CNTNAP2: variants seen among roughly 807,000 people sequenced by gnomAD.
CNTNAP2 encodes the protein contactin-associated protein-like 2.
In CNTNAP2, 98 loss-of-function variants were observed where a neutral mutation model predicts 155.2. The observed-to-expected ratio is 0.63, with a 90% CI of 0.54 to 0.75. CNTNAP2 has a LOEUF of 0.75. Among genes scored for constraint, CNTNAP2 ranks in the 30% least tolerant of loss-of-function variants. The pLI, the probability that CNTNAP2 is intolerant of heterozygous loss-of-function variation, is 0.00. For synonymous variants in CNTNAP2, 651 were observed against 631.2 expected, an observed-to-expected ratio of 1.03 and a Z score of -0.47; for missense variants, 1,727 against 1,688.1, an observed-to-expected ratio of 1.02 and a Z score of -0.40.
intron 21 of CNTNAP2, among the ~76,000 whole-genome samples, chr7:148,310,620 T>G (rs1426817083): frequency 2.0e-5 from 3 of 152,150 alleles, no homozygotes; most frequent in Non-Finnish European, 4.4e-5. Flanking sequence ...CGGTCCTATT[T>G]GCAAATTGAA....
Position 146,122,898 on chromosome 7 carries a change from G to A in CNTNAP2, c.97+5925G>A, listed in dbSNP as rs1369242546. Among the ~76,000 whole-genome samples, 3 of 152,260 alleles carry A rather than the reference G, an allele frequency of 2.0e-5. No homozygotes were observed. In the South Asian group the frequency reaches 6.2e-4, roughly 32 times the overall value. The stretch of plus-strand genomic sequence containing the variant: ...TTCTGTAAAATCCTGAAGGTTAAAT[G>A]TTTTAAGCCAATTATTCTTTCCAAC... On this transcript the variant is annotated intron_variant, in intron 1 of 23. Coordinates refer to ENST00000361727, the MANE Select transcript of CNTNAP2 (RefSeq NM_014141.6).
chr7:146,964,014 G>T (rs890806184), intron 3 of CNTNAP2, among the ~76,000 whole-genome samples: 1 of 152,150 alleles, frequency 6.6e-6, no homozygotes, highest in South Asian at 2.1e-4. Flanking sequence ...AGAGGGTTCT[G>T]AACAACAAGC....
chr7:147,179,226 G>T lies in CNTNAP2; in HGVS notation c.1348+46717G>T, dbSNP rs569794691. Among the ~76,000 whole-genome samples the T allele has an allele frequency of 2.5e-4, 38 of 152,226 alleles. No homozygotes were observed. In the South Asian group the frequency reaches 6.2e-3, roughly 25 times the overall value. On this transcript the variant is annotated intron_variant, in intron 8 of 23. Coordinates refer to ENST00000361727, the MANE Select transcript of CNTNAP2 (RefSeq NM_014141.6). ...ATCAAACTTGGAATAACAGCAAAAG[G>T]TTCTTCAATTTTAAGAAACAAAATA...
intron 9 of CNTNAP2, among the ~76,000 whole-genome samples, chr7:147,355,411 A>G (rs767952390): frequency 3.9e-5 from 6 of 152,098 alleles, no homozygotes; most frequent in Non-Finnish European, 5.9e-5. Flanking sequence ...CAAATTCAAA[A>G]GCCAGCAGAA....
intron 15 of CNTNAP2, among the ~76,000 whole-genome samples, chr7:148,064,693 A>C (rs1187570742): frequency 6.6e-6 from 1 of 151,790 alleles, no homozygotes; most frequent in Non-Finnish European, 1.5e-5. Flanking sequence ...AAAAAAAAAA[A>C]AAAACTCAAG....
intron 10 of CNTNAP2, among the ~76,000 whole-genome samples, chr7:147,424,550 AG>A (rs1797348048): frequency 6.6e-6 from 1 of 152,044 alleles, no homozygotes; most frequent in African/African-American, 2.4e-5. Flanking sequence ...GGAGAGCCCC[AG>A]GTTTCAGTCC....
intron 20 of CNTNAP2, among the ~76,000 whole-genome samples, chr7:148,230,769 C>T (rs976574911): frequency 6.6e-6 from 1 of 152,142 alleles, no homozygotes; most frequent in South Asian, 2.1e-4. Flanking sequence ...CTGACATGCA[C>T]TGTTTCAGCT....
intron 8 of CNTNAP2, among the ~76,000 whole-genome samples, chr7:147,296,103 A>C (rs1018986856): frequency 3.3e-5 from 5 of 152,206 alleles, no homozygotes; most frequent in African/African-American, 1.2e-4. Flanking sequence ...AGAGTAACCG[A>C]AGATATTTTA....
chr7:147,499,492 G>A (rs554717468), intron 11 of CNTNAP2, among the ~76,000 whole-genome samples: 4 of 152,142 alleles, frequency 2.6e-5, no homozygotes, highest in East Asian at 1.9e-4. Context: ...TAGTGCCACC[G>A]CACTCCAGCC....
intron 14 of CNTNAP2, among the ~76,000 whole-genome samples, chr7:147,948,806 C>A (rs750049857): frequency 6.6e-6 from 1 of 151,920 alleles, no homozygotes; most frequent in African/African-American, 2.4e-5. Context: ...TGACTGGAAA[C>A]CTTACCCATA....
intron 1 of CNTNAP2, among the ~76,000 whole-genome samples, chr7:146,483,103 C>CTAAAAATACTACTAA (rs1796989637): frequency 1.3e-5 from 2 of 150,220 alleles, no homozygotes; most frequent in Admixed American, 6.7e-5. Flanking sequence ...GGTGAAACCC[C>CTAAAAATACTACTAA]GTCTCTACTA....
chr7:148,046,999 G>C (rs1465694363), intron 15 of CNTNAP2, among the ~76,000 whole-genome samples: 1 of 152,116 alleles, frequency 6.6e-6, no homozygotes, highest in African/African-American at 2.4e-5. Context: ...GTTAACCATG[G>C]CACTTGGTGA....
At chr7:147,312,139 C>T (rs1194982749) in intron 9 of CNTNAP2, among the ~76,000 whole-genome samples, 2 of 151,958 alleles carry the variant, frequency 1.3e-5, no homozygotes, top group African/African-American at 4.8e-5. Flanking sequence ...GCTGAACTCA[C>T]CCCTCCTTTT....
At chr7:146,899,742 T>C (rs1795954087) in intron 3 of CNTNAP2, among the ~76,000 whole-genome samples, 1 of 152,172 alleles carries the variant, frequency 6.6e-6, no homozygotes, top group East Asian at 1.9e-4. Flanking sequence ...GTAATATGCA[T>C]TCACCAACAT....
At chr7:146,754,728 G>A (rs2129183033) in intron 1 of CNTNAP2, among the ~76,000 whole-genome samples, 1 of 151,946 alleles carries the variant, frequency 6.6e-6, no homozygotes, top group East Asian at 1.9e-4. Context: ...GTTGTCAGGG[G>A]TTAGGAAAGA....
intron 12 of CNTNAP2, among the ~76,000 whole-genome samples, chr7:147,625,149 T>C (rs1376094782): frequency 2.0e-5 from 3 of 152,084 alleles, no homozygotes; most frequent in Non-Finnish European, 4.4e-5. Context: ...GGATGGTTAA[T>C]AAGTACAAAA....
In CNTNAP2 at chr7:147,903,591, G is replaced by A; in HGVS notation, c.2125G>A (p.Gly709Ser). The change falls in exon 14 of 24, where the codon GGC (glycine) becomes AGC (serine). Residue 709 changes from glycine to serine, a missense_variant. Physicochemically the swap from Gly to Ser is moderately conservative, Grantham distance 56. Transcript: ENST00000361727. ...TGGAAGCCCTTACACTTGGTGGGTTGGCAAAGCCAACGAGAAGCACTACTA... is the reference window on the plus strand; with the variant it reads ...TGGAAGCCCTTACACTTGGTGGGTTAGCAAAGCCAACGAGAAGCACTACTA... The part of the protein sequence containing the change: ...PDGSPYTWWV[G>S]KANEKHYYWG... 6.2e-7 allele frequency: 1 copy of A among 1,614,160 alleles called. No homozygotes were observed. The highest frequency in any genetic ancestry group is 8.5e-7 in the Non-Finnish European group (1 of 1,180,012).
At chr7:146,505,973 T>G (rs1235015182) in intron 1 of CNTNAP2, among the ~76,000 whole-genome samples, 1 of 152,192 alleles carries the variant, frequency 6.6e-6, no homozygotes, top group Non-Finnish European at 1.5e-5. Context: ...CAGGAGTCCC[T>G]TATATCACTC....
intron 20 of CNTNAP2, among the ~76,000 whole-genome samples, chr7:148,242,442 T>C (rs577266717): frequency 2.0e-5 from 3 of 152,174 alleles, no homozygotes; most frequent in Non-Finnish European, 4.4e-5. Context: ...AGTTCGGAGC[T>C]AGTGTTAAAA....
Sources: allele counts gnomAD v4.1 joint callset (sites outside exome capture counted in the v4.1 genomes callset), GRCh38; gene constraint gnomAD v4.1.1; transcripts MANE v1.5; gene names NCBI Gene and HGNC (gene_info 2026-07-23, HGNC 2026-07-21).